The following NAV3 variants were observed in gnomAD, a reference collection of about 807,000 sequenced individuals.
The protein encoded by NAV3 is pore membrane and/or filament interacting like protein 1.
In NAV3, 87 loss-of-function variants were observed where a neutral mutation model predicts 244.7. The ratio of observed to expected loss-of-function variants is 0.36; its 90% CI spans 0.30 to 0.42. The LOEUF is 0.42. Among genes scored for constraint, NAV3 ranks in the 20% least tolerant of loss-of-function variants. NAV3 has a pLI of 1.00. For missense variants in NAV3, 2,663 were observed against 2,893.3 expected (o/e 0.92, Z 1.83); for synonymous variants, 1,126 against 1,042.2 (o/e 1.08, Z -1.55).
intron 18 of NAV3, among the ~76,000 whole-genome samples, chr12:78,135,562 C>T (rs561583644): frequency 2.9e-4 from 44 of 152,212 alleles, no homozygotes; most frequent in Non-Finnish European, 5.6e-4. Context: ...CCTATAGATA[C>T]GTATACTAAA....
intron 9 of NAV3, among the ~76,000 whole-genome samples, chr12:78,047,768 G>A (rs2137184290): frequency 6.6e-6 from 1 of 152,190 alleles, no homozygotes; most frequent in African/African-American, 2.4e-5. Flanking sequence ...TGCTAGGCTG[G>A]GCAAGTTCTC....
chr12:77,861,124 A>G (rs905940880), intron 1 of NAV3, among the ~76,000 whole-genome samples: 2 of 151,894 alleles, frequency 1.3e-5, no homozygotes, highest in Admixed American at 1.3e-4. Context: ...CCTATGTAGT[A>G]GAGAAAATTA....
At chr12:77,629,046 A>G (rs1013147635) in intron 2 of NAV3, among the ~76,000 whole-genome samples, 1 of 152,254 alleles carries the variant, frequency 6.6e-6, no homozygotes, top group Non-Finnish European at 1.5e-5. Context: ...ATACAATTAA[A>G]ATAATTTTAT....
chr12:77,615,421 C>T (rs1470432003), intron 2 of NAV3, among the ~76,000 whole-genome samples: 1 of 151,840 alleles, frequency 6.6e-6, no homozygotes, highest in Non-Finnish European at 1.5e-5. Flanking sequence ...TCTTTGTGTC[C>T]CTGTGTTTTC....
intron 5 of NAV3, among the ~76,000 whole-genome samples, chr12:77,990,402 T>G (rs917186861): frequency 2.0e-5 from 3 of 152,046 alleles, no homozygotes; most frequent in Non-Finnish European, 4.4e-5. Flanking sequence ...TCCTGACAAA[T>G]GAAGGACCTG....
chr12:77,617,124 G>A (rs565105329), intron 2 of NAV3, among the ~76,000 whole-genome samples: 73 of 152,122 alleles, frequency 4.8e-4, no homozygotes, highest in African/African-American at 1.7e-3. Context: ...CTCTTTGGAC[G>A]GCTGAATATT....
intron 9 of NAV3, among the ~76,000 whole-genome samples, chr12:78,033,867 A>G (rs1879406882): frequency 6.6e-6 from 1 of 152,128 alleles, no homozygotes; most frequent in Non-Finnish European, 1.5e-5. Flanking sequence ...ATGACATGGG[A>G]TGTTCCTGAG....
intron 2 of NAV3, among the ~76,000 whole-genome samples, chr12:77,802,795 T>A (rs1871779346): frequency 6.6e-6 from 1 of 152,086 alleles, no homozygotes; most frequent in African/African-American, 2.4e-5. Context: ...CCCAAGTAGC[T>A]GGAACTACAG....
chr12:77,711,193 TA>T (rs1395754726), intron 2 of NAV3, among the ~76,000 whole-genome samples: 2 of 152,232 alleles, frequency 1.3e-5, no homozygotes, highest in Non-Finnish European at 2.9e-5. Flanking sequence ...CAATGATCTG[TA>T]GTCTTTTTCT....
At chr12:78,045,956 C>T (rs947528267) in intron 9 of NAV3, among the ~76,000 whole-genome samples, 5 of 152,088 alleles carry the variant, frequency 3.3e-5, no homozygotes, top group Non-Finnish European at 5.9e-5. Context: ...CTGGTTTAGT[C>T]TTGGGAGGGT....
intron 2 of NAV3, among the ~76,000 whole-genome samples, chr12:77,674,324 A>G (rs1316508687): frequency 1.3e-5 from 2 of 152,148 alleles, no homozygotes; most frequent in African/African-American, 4.8e-5. Context: ...AATTCTACCC[A>G]CATGTTCTTT....
chr12:78,087,260 G>A (rs1265424789), intron 12 of NAV3, among the ~76,000 whole-genome samples: 1 of 151,986 alleles, frequency 6.6e-6, no homozygotes, highest in Admixed American at 6.6e-5. Context: ...TCTTCTATGA[G>A]AACTGATTTT....
chr12:78,137,363 A>C lies in NAV3; in HGVS notation c.4628A>C (p.Glu1543Ala). The C allele has an allele frequency of 1.9e-6, 3 of 1,609,300 alleles. No individual in the cohort carries two copies. Among genetic ancestry groups the C allele is most frequent in the Non-Finnish European group, 2.5e-6 (3 of 1,178,614 alleles). Reference protein sequence around the residue: ...HSGSFRDSMEEVHGSSLSLVS... With the variant: ...HSGSFRDSMEAVHGSSLSLVS... The stretch of plus-strand genomic sequence containing the variant: ...GGCTCATTCAGAGACAGCATGGAAG[A>C]AGGTAAGCGTTGAGGGGGATTAAAG... Residue 1543 changes from glutamate (E) to alanine (A), a missense_variant and splice_region_variant, in exon 19 of 40, where the codon GAA becomes GCA. Physicochemically the swap from Glu to Ala is moderately radical, Grantham distance 107 (BLOSUM62 -1). Transcript: ENST00000397909.
In NAV3 at chr12:78,159,231, G is replaced by C; in HGVS notation, c.4814G>C (p.Ser1605Thr). ...NAHLVAAFEK[S>T]LGNMTGRLQS... ...CACCTTGTAGCAGCTTTTGAAAAGAGCTTAGGGAATATGACTGGCCGATTG... is the reference window on the plus strand; with the variant it reads ...CACCTTGTAGCAGCTTTTGAAAAGACCTTAGGGAATATGACTGGCCGATTG... The change falls in exon 23 of 40, where the codon AGC becomes ACC. Residue 1605 changes from serine to threonine, a missense_variant. Transcript: ENST00000397909. The C allele has an allele frequency of 1.2e-6, 2 of 1,613,320 alleles. No individual in the cohort carries two copies. Among genetic ancestry groups the C allele is most frequent in the Non-Finnish European group, 1.7e-6 (2 of 1,179,546 alleles).
intron 5 of NAV3, among the ~76,000 whole-genome samples, chr12:77,976,666 C>CTTTCTTTT (rs1446044531): frequency 0.023 from 1,353 of 57,908 alleles, 16 homozygotes; most frequent in East Asian, 0.026. Flanking sequence ...TTCTTTCTTT[C>CTTTCTTTT]TTTTTTTCTT....
chr12:78,154,985 A>T (rs2139334050), intron 22 of NAV3, among the ~76,000 whole-genome samples: 1 of 152,228 alleles, frequency 6.6e-6, no homozygotes, highest in South Asian at 2.1e-4. Context: ...CTGATAAACT[A>T]AACCAAGGTG....
intron 2 of NAV3, among the ~76,000 whole-genome samples, chr12:77,633,512 A>T (rs994942860): frequency 2.0e-5 from 3 of 152,158 alleles, no homozygotes; most frequent in Admixed American, 2.0e-4. Flanking sequence ...TTATTAAAGA[A>T]CTGTATATTG....
chr12:77,618,236 A>G (rs1474849214), intron 2 of NAV3, among the ~76,000 whole-genome samples: 1 of 152,216 alleles, frequency 6.6e-6, no homozygotes, highest in African/African-American at 2.4e-5. Flanking sequence ...CATTTAGCTA[A>G]GCTACTAACA....
At chr12:77,739,071 A>G (rs974246823) in intron 2 of NAV3, among the ~76,000 whole-genome samples, 8 of 150,232 alleles carry the variant, frequency 5.3e-5, no homozygotes, top group African/African-American at 1.9e-4. Context: ...CTTCTGTTCA[A>G]ATCCTGGCTC....
Sources: gnomAD v4.1 joint callset for allele counts (sites outside exome capture counted in the v4.1 genomes callset) on GRCh38, gnomAD v4.1.1 for gene constraint, MANE v1.5 for transcripts, NCBI Gene and HGNC (gene_info 2026-07-23, HGNC 2026-07-21) for gene names.